SIGLEC10: variants seen among roughly 807,000 people sequenced by gnomAD.
SIGLEC10 encodes the protein sialic acid binding Ig like lectin 10.
SIGLEC10 carries 45 observed loss-of-function variants against 68.3 expected under a neutral mutation model. The ratio of observed to expected loss-of-function variants is 0.66; its 90% CI spans 0.52 to 0.84. SIGLEC10 has a LOEUF of 0.84. Among genes scored for constraint, SIGLEC10 ranks in the 40% least tolerant of loss-of-function variants. The pLI is 0.00. For synonymous variants in SIGLEC10, 379 were observed against 370.8 expected, an observed-to-expected ratio of 1.02 and a Z score of -0.26; for missense variants, 789 against 883.1, an observed-to-expected ratio of 0.89 and a Z score of 1.35.
rs757501442 is a variant in SIGLEC10 at position 51,415,155 on chromosome 19, C to T, written c.1330+26G>A. 49 of 1,582,230 alleles carry T rather than the reference C, an allele frequency of 3.1e-5. 1 individual carries two copies. The highest frequency in any genetic ancestry group is 2.9e-5 in the Non-Finnish European group (34 of 1,164,418). On this transcript the variant is annotated intron_variant, in intron 7 of 10. Transcript: ENST00000339313. ...CTCAGCAGGGTCCCCTTCCTGGGAC[C>T]CAGGTGTCCCCTTTCCCCCACTCAC...
In SIGLEC10 at chr19:51,417,251, C is replaced by T. The variant is rs748406980; in HGVS notation, c.252G>A (p.Met84Ile). 294 of 1,614,124 alleles carry T rather than the reference C, an allele frequency of 1.8e-4. No homozygotes were observed. Among genetic ancestry groups the T allele is most frequent in the Non-Finnish European group, 2.5e-4 (291 of 1,180,044 alleles). The change falls in exon 2 of 11, where the codon ATG (methionine) becomes ATA (isoleucine). Residue 84 changes from methionine (M) to isoleucine (I), a missense_variant. Coordinates refer to ENST00000339313, the MANE Select transcript of SIGLEC10 (RefSeq NM_033130.5). ...TGAGCTGGAATCGGCCCCGGGTGCT[C>T]ATTTCCACCTCTCGACTCTGGTGGT... ...ATNHQSREVEMSTRGRFQLTG... is the reference protein window; with the variant it reads ...ATNHQSREVEISTRGRFQLTG...
intron 5 of SIGLEC10, 135 bp from the exon 6 acceptor site, chr19:51,415,750 A>G: frequency 1.3e-6 from 2 of 1,573,026 alleles, no homozygotes. Flanking sequence ...TGAGTCCCAG[A>G]CACAAACTGC....
rs528045192 is a variant in SIGLEC10, at chr19:51,414,583, C to G, written c.1616-68G>C. On this transcript the variant is annotated intron_variant, in intron 8 of 10. Transcript: ENST00000339313. This position sits in a 1 kb window ranked among gnomAD's most constrained non-coding sequence, Gnocchi z 4.1. ...GGGCTCACGAAGCCCGCTCATCACT[C>G]GGCATTAAGGCTTCCGGTTCCCATG... 4.0e-6 allele frequency: 6 copies of G among 1,509,438 alleles called. No individual in the cohort carries two copies. Among genetic ancestry groups the G allele is most frequent in the Non-Finnish European group, 5.5e-6 (6 of 1,092,130 alleles). The allele number at this position is 1,509,438 out of a possible 1,614,324, so 93.5% of individuals were successfully genotyped here.
At chr19:51,411,457 G>T in intron 10 of SIGLEC10, 86 bp from the exon 11 acceptor site, 1 of 1,525,470 alleles carries the variant, frequency 6.6e-7, no homozygotes. Flanking sequence ...TTACAGCACA[G>T]AGTGAAACTA....
At chr19:51,413,391 A>T (rs1045005589) in intron 10 of SIGLEC10, among the ~76,000 whole-genome samples, 3 of 152,162 alleles carry the variant, frequency 2.0e-5, no homozygotes, top group African/African-American at 7.2e-5. Context: ...CCTCCCGATG[A>T]TACACATAAT....
At position 51,416,836 on chromosome 19, in the gene SIGLEC10, G is replaced by T. The variant is rs1318778599; in HGVS notation, c.536C>A (p.Ser179Tyr). The T allele has an allele frequency of 6.2e-7, 1 of 1,614,108 alleles. No homozygotes were observed. Among genetic ancestry groups the T allele is most frequent in the Non-Finnish European group, 8.5e-7 (1 of 1,180,052 alleles). ...GGAGGAGAGGGCAGCCCCCGTCCAGGAGAAAGAAGGGGGTGGACATTCCTC... is the reference window on the plus strand; with the variant it reads ...GGAGGAGAGGGCAGCCCCCGTCCAGTAGAAAGAAGGGGGTGGACATTCCTC... ...AFEECPPPSF[S>Y]WTGAALSSQG... Residue 179 changes from serine (S) to tyrosine (Y), a missense_variant, in exon 3 of 11, where the codon TCC becomes TAC. Coordinates refer to ENST00000339313, the MANE Select transcript of SIGLEC10 (RefSeq NM_033130.5).
rs878957074 is a variant in SIGLEC10 at position 51,411,096 on chromosome 19, C to A, written c.*3G>T. 3 of 1,611,928 alleles carry A rather than the reference C, an allele frequency of 1.9e-6. No homozygotes were observed. Among genetic ancestry groups the A allele is most frequent in the South Asian group, 1.1e-5 (1 of 91,056 alleles). On this transcript the variant is annotated 3_prime_UTR_variant, in exon 11 of 11. Transcript: ENST00000339313. ...AGTCCCAGTCCTAAAGCCTAAGAGA[C>A]CCTCATTGGAACTTGACTTCTGCAT...
At position 51,414,699 on chromosome 19, in the gene SIGLEC10, T is replaced by C; in HGVS notation, c.1615+125A>G. On this transcript the variant is annotated intron_variant, in intron 8 of 10. Transcript: ENST00000339313. This position sits in a 1 kb window ranked among gnomAD's most constrained non-coding sequence, Gnocchi z 4.1. The stretch of plus-strand genomic sequence containing the variant: ...GTTAGGACTTCCCATTGTGTTTTCC[T>C]GTCTACATACAGATGCCACGGGTCT... 11 of 1,494,140 alleles carry C rather than the reference T, an allele frequency of 7.4e-6. No individual in the cohort carries two copies. The highest frequency in any genetic ancestry group is 4.7e-5 in the South Asian group (4 of 85,904). 92.6% of individuals were successfully genotyped at this position (1,494,140 alleles called of 1,614,324 possible).
At chr19:51,415,845 C>T in intron 5 of SIGLEC10, 53 bp downstream of exon 5, 1 of 1,609,544 alleles carries the variant, frequency 6.2e-7, no homozygotes, top group Non-Finnish European at 8.5e-7. Flanking sequence ...AGCCCAGCCC[C>T]TGTATCCCTC....
At chr19:51,413,963 A>T in intron 9 of SIGLEC10, 140 bp from the exon 10 acceptor site, 1 of 659,122 alleles carries the variant, frequency 1.5e-6, no homozygotes, top group South Asian at 1.9e-5. Context: ...AAGAAGGAGG[A>T]CAAACGTAGA....
intron 4 of SIGLEC10, 21 bp from the exon 5 acceptor site, chr19:51,416,188 A>G: frequency 6.2e-7 from 1 of 1,603,958 alleles, no homozygotes; most frequent in Non-Finnish European, 8.5e-7. Context: ...AGGAAAAAAA[A>G]AAAAGAGAGA....
chr19:51,416,503 C>A, intron 3 of SIGLEC10, 146 bp from the exon 4 acceptor site: 1 of 1,584,204 alleles, frequency 6.3e-7, no homozygotes, highest in East Asian at 2.3e-5. Context: ...GACCAGACGC[C>A]ATTCCCATCC....
In SIGLEC10 at chr19:51,414,828, C is replaced by A. The variant is rs1022589267; in HGVS notation, c.1611G>T (p.Leu537=). Residue 537 remains leucine (L), a synonymous_variant, in exon 8 of 11, where the codon CTG becomes CTT. Transcript: ENST00000339313. The surrounding 1 kb of genome is among the most constrained non-coding windows in gnomAD (Gnocchi z 4.1). ...GCATCCAGGCGGCCCCCTAACCTGG[C>A]AGCTGCAGGATGGATCCACTCTGGG... The part of the protein sequence containing the change: ...HGAQSGSILQ[L]PDKKGLISTA... 2 of 1,612,916 alleles carry A rather than the reference C, an allele frequency of 1.2e-6. No individual in the cohort carries two copies. The highest frequency in any genetic ancestry group is 1.7e-5 in the Admixed American group (1 of 59,548).
chr19:51,412,518 T>C (rs1988112227), intron 10 of SIGLEC10, among the ~76,000 whole-genome samples: 1 of 151,910 alleles, frequency 6.6e-6, no homozygotes, highest in Non-Finnish European at 1.5e-5. Flanking sequence ...TCGCTCTTGT[T>C]GCCCAGGCTG....
In SIGLEC10 at chr19:51,413,727, C is replaced by T. The variant is rs762457724; in HGVS notation, c.1806G>A (p.Pro602=). The T allele has an allele frequency of 6.2e-6, 10 of 1,613,950 alleles. 1 individual carries two copies. Among genetic ancestry groups the T allele is most frequent in the South Asian group, 3.3e-5 (3 of 91,084 alleles). The change falls in exon 10 of 11, where the codon CCG becomes CCA. Residue 602 remains proline, a synonymous_variant. Coordinates refer to ENST00000339313, the MANE Select transcript of SIGLEC10 (RefSeq NM_033130.5). ...AGACACTCACCAGGGGGCCAGCCGT[C>T]GGGACCACATTGATGTAATCCAGGA... ...STILDYINVV[P]TAGPLAQKRN...
In SIGLEC10 at chr19:51,415,100, T is replaced by A; in HGVS notation, c.1339A>T (p.Lys447Ter). Residue 447 changes from lysine (K) to a stop codon, truncating the protein, a stop_gained, in exon 8 of 11, where the codon AAG (lysine) becomes TAG (stop). Coordinates refer to ENST00000339313, the MANE Select transcript of SIGLEC10 (RefSeq NM_033130.5). LOFTEE classifies it high-confidence loss of function. ...CAGGAGCAGGAGGGGCCCAGCAGCT[T>A]CGGGGAGTCTGAGGGGAGGGAGGAC... ...SLSLSVHYSPKLLGPSCSWEA... is the reference protein window; with the variant it reads ...SLSLSVHYSP 1 of 1,574,794 alleles carries A rather than the reference T, an allele frequency of 6.4e-7. No individual in the cohort carries two copies. The highest frequency in any genetic ancestry group is 1.9e-5 in the Admixed American group (1 of 53,034).
rs1443913178 is a variant in SIGLEC10, at chr19:51,414,441, G to A, written c.1690C>T (p.Leu564Phe). 3.7e-6 allele frequency: 6 copies of A among 1,613,946 alleles called. No individual in the cohort carries two copies. The highest frequency in any genetic ancestry group is 5.1e-6 in the Non-Finnish European group (6 of 1,179,972). The change falls in exon 9 of 11, where the codon CTC becomes TTC. Residue 564 changes from leucine to phenylalanine, a missense_variant. Coordinates refer to ENST00000339313, the MANE Select transcript of SIGLEC10 (RefSeq NM_033130.5). This position sits in a 1 kb window ranked among gnomAD's most constrained non-coding sequence, Gnocchi z 4.1. ...ACCTACATGATCAGGGCCAGGCAGA[G>A]GAAAAGAAGAGCCGTGATGCCGATT... ...LGIGITALLF[L>F]CLALIIMKIL...
Position 51,414,372 on chromosome 19 carries a change from C to G in SIGLEC10, c.1709+50G>C, listed in dbSNP as rs752780912. 5 of 1,526,554 alleles carry G rather than the reference C, an allele frequency of 3.3e-6. No homozygotes were observed. The highest frequency in any genetic ancestry group is 3.6e-6 in the Non-Finnish European group (4 of 1,108,818). 94.6% of individuals were successfully genotyped at this position (1,526,554 alleles called of 1,614,324 possible). On this transcript the variant is annotated intron_variant, in intron 9 of 10. Coordinates refer to ENST00000339313, the MANE Select transcript of SIGLEC10 (RefSeq NM_033130.5). The surrounding 1 kb of genome is among the most constrained non-coding windows in gnomAD (Gnocchi z 4.1). ...ACTCTTTCGGCCTGCAACACCTCCC[C>G]TCTTCCTGGGTCCAGGCCCCAGACC...
In SIGLEC10 at chr19:51,416,117, C is replaced by G. The variant is rs1385778852; in HGVS notation, c.805G>C (p.Gly269Arg). 6.2e-7 allele frequency: 1 copy of G among 1,607,692 alleles called. No individual in the cohort carries two copies. The highest frequency in any genetic ancestry group is 8.5e-7 in the Non-Finnish European group (1 of 1,177,268). ...GNVPYLEAQK[G>R]QFLRLLCAAD... ...GCACAGAGGAGCCGCAGGAACTGGCCTTTTTGGGCTTCCAGGTATGGGACA... is the reference window on the plus strand; with the variant it reads ...GCACAGAGGAGCCGCAGGAACTGGCGTTTTTGGGCTTCCAGGTATGGGACA... The change falls in exon 5 of 11, where the codon GGC (glycine) becomes CGC (arginine). Residue 269 changes from glycine to arginine, a missense_variant. Coordinates refer to ENST00000339313, the MANE Select transcript of SIGLEC10 (RefSeq NM_033130.5).
Sources: gnomAD v4.1 joint callset for allele counts (sites outside exome capture counted in the v4.1 genomes callset) on GRCh38, gnomAD v4.1.1 for gene constraint, Gnocchi (gnomAD v3.1) non-coding constraint, MANE v1.5 for transcripts, NCBI Gene and HGNC (gene_info 2026-07-23, HGNC 2026-07-21) for gene names.